The following MCUR1 variants were observed in gnomAD, a reference collection of about 807,000 sequenced individuals.
MCUR1 encodes the protein MCU regulator 1.
In MCUR1, 37 loss-of-function variants were observed where a neutral mutation model predicts 42.0. The observed-to-expected ratio is 0.88, with a 90% CI of 0.68 to 1.16. MCUR1 has a LOEUF of 1.16. Ranked by LOEUF, MCUR1 falls within the 50% of genes most tolerant of loss-of-function variation. The pLI is 0.00. For missense variants in MCUR1, 469 were observed against 468.4 expected, an observed-to-expected ratio of 1.00 and a Z score of -0.01; for synonymous variants, 229 against 196.2, an observed-to-expected ratio of 1.17 and a Z score of -1.40.
intron 1 of MCUR1, among the ~76,000 whole-genome samples, chr6:13,811,709 G>A (rs1760238758): frequency 6.6e-6 from 1 of 152,140 alleles, no homozygotes; most frequent in African/African-American, 2.4e-5. Context: ...AATGACTTGT[G>A]AAGAGTGACA....
chr6:13,808,762 C>T (rs1411615157), intron 1 of MCUR1, among the ~76,000 whole-genome samples: 2 of 152,166 alleles, frequency 1.3e-5, no homozygotes, highest in African/African-American at 2.4e-5. Flanking sequence ...CCATTCCCTC[C>T]ACTGAAATGT....
intron 5 of MCUR1, among the ~76,000 whole-genome samples, chr6:13,799,822 A>ATTTTC (rs1158882678): frequency 7.7e-6 from 1 of 129,150 alleles, no homozygotes; most frequent in African/African-American, 3.0e-5. Flanking sequence ...CTAGAACACA[A>ATTTTC]TTTTCTTTTT....
intron 1 of MCUR1, among the ~76,000 whole-genome samples, chr6:13,813,248 C>T (rs1016218530): frequency 6.6e-6 from 1 of 152,142 alleles, no homozygotes; most frequent in Non-Finnish European, 1.5e-5. Context: ...GGCGACTGTC[C>T]TGAAGAGATG....
chr6:13,791,967 G>T lies in MCUR1; in HGVS notation c.935C>A (p.Thr312Asn), dbSNP rs760017357. The T allele has an allele frequency of 6.2e-7, 1 of 1,613,960 alleles. No individual in the cohort carries two copies. The part of the protein sequence containing the change: ...ALHAQQDRAL[T>N]QTDRKIETEV... ...AGTTTCGATCTTCCTGTCTGTCTGG[G>T]TAAGGGCCCGATCTTGCTGGGCATG... The change falls in exon 8 of 9, where the codon ACC (threonine) becomes AAC (asparagine). Residue 312 changes from threonine (T) to asparagine (N), a missense_variant. By Grantham distance (65) the Thr-to-Asn change is moderately conservative. Transcript: ENST00000379170.
chr6:13,798,476 G>T lies in MCUR1; in HGVS notation c.855+357C>A, dbSNP rs1664935478. Reference sequence around the variant, plus strand: ...TAATAATTTACTATTATTCAAGCCTGAAATAATCAACTTAACTTTTACAAG... The same window carrying T: ...TAATAATTTACTATTATTCAAGCCTTAAATAATCAACTTAACTTTTACAAG... On this transcript the variant is annotated intron_variant, in intron 6 of 8. Transcript: ENST00000379170. Among the ~76,000 whole-genome samples the T allele has an allele frequency of 2.0e-5, 3 of 151,926 alleles. No homozygotes were observed. In the South Asian group the frequency reaches 6.2e-4, roughly 31 times the overall value.
chr6:13,811,584 G>T (rs1191161685), intron 1 of MCUR1, among the ~76,000 whole-genome samples: 1 of 152,042 alleles, frequency 6.6e-6, no homozygotes, highest in African/African-American at 2.4e-5. Context: ...AGAAACAGTG[G>T]GAGTGAAGGA....
In MCUR1 at chr6:13,790,791, C is replaced by T. The variant is rs1475631126; in HGVS notation, c.*18G>A. On this transcript the variant is annotated 3_prime_UTR_variant, in exon 9 of 9. Transcript: ENST00000379170. ...TCTTAAGGCAAAACAGTAGAAATCACTTTAAATAGACACTTTATTAGATCC... is the reference window on the plus strand; with the variant it reads ...TCTTAAGGCAAAACAGTAGAAATCATTTTAAATAGACACTTTATTAGATCC... 2 of 1,603,834 alleles carry T rather than the reference C, an allele frequency of 1.2e-6. No homozygotes were observed. The highest frequency in any genetic ancestry group is 2.2e-5 in the South Asian group (2 of 90,686).
chr6:13,801,630 A>G (rs183134796), intron 3 of MCUR1, among the ~76,000 whole-genome samples: 18 of 152,316 alleles, frequency 1.2e-4, no homozygotes, highest in African/African-American at 4.3e-4. Context: ...CAGGTGGATC[A>G]CTTGAGCCAA....
intron 1 of MCUR1, among the ~76,000 whole-genome samples, chr6:13,811,330 G>A (rs1321067346): frequency 6.6e-6 from 1 of 152,068 alleles, no homozygotes; most frequent in African/African-American, 2.4e-5. Context: ...GCATACAGCA[G>A]GCTAGGAATA....
chr6:13,792,093 G>C (rs917288598), intron 7 of MCUR1, 101 bp from the exon 8 acceptor site: 13 of 833,802 alleles, frequency 1.6e-5, no homozygotes, highest in Middle Eastern at 2.2e-4. Flanking sequence ...AGGGAAACCT[G>C]GGTAAGACTA....
At chr6:13,802,831 T>C (rs565343925) in intron 2 of MCUR1, among the ~76,000 whole-genome samples, 9 of 152,340 alleles carry the variant, frequency 5.9e-5, no homozygotes, top group African/African-American at 1.9e-4. Context: ...TTTCCTTAAA[T>C]AGGAAAGCTC....
intron 6 of MCUR1, among the ~76,000 whole-genome samples, chr6:13,796,488 G>T (rs1452647488): frequency 6.6e-6 from 1 of 152,020 alleles, no homozygotes; most frequent in Non-Finnish European, 1.5e-5. Context: ...GTTTCACCAC[G>T]TTGGCCAGGC....
Position 13,810,141 on chromosome 6 carries a change from T to G in MCUR1, c.416-3097A>C, listed in dbSNP as rs959299442. Among the ~76,000 whole-genome samples the G allele has an allele frequency of 2.6e-5, 4 of 151,892 alleles. 1 individual carries two copies. The South Asian group carries it at 6.2e-4, about 24-fold the overall frequency. ...TTGCTTGAACCTGGGAGGCGGAGGT[T>G]GCAGTGAGCCAAGATCGCACCACTG... On this transcript the variant is annotated intron_variant, in intron 1 of 8. Coordinates refer to ENST00000379170, the MANE Select transcript of MCUR1 (RefSeq NM_001031713.4).
chr6:13,800,321 A>C lies in MCUR1; in HGVS notation c.783+20T>G, dbSNP rs748760758. 3 of 1,541,984 alleles carry C rather than the reference A, an allele frequency of 1.9e-6. No homozygotes were observed. The East Asian group carries it at 6.8e-5, about 35-fold the overall frequency. ...TTATATAATTACAAACCAGCCAACA[A>C]ACAGGAAAGTGAATCTTACCATTAC... On this transcript the variant is annotated intron_variant, in intron 5 of 8. Transcript: ENST00000379170.
chr6:13,793,490 G>T (rs1189369575), intron 7 of MCUR1, among the ~76,000 whole-genome samples: 1 of 152,206 alleles, frequency 6.6e-6, no homozygotes, highest in Non-Finnish European at 1.5e-5. Context: ...AGGACACTGT[G>T]TTAAGTGAAA....
intron 4 of MCUR1, 37 bp downstream of exon 4, chr6:13,801,251 A>G (rs1466204239): frequency 1.5e-6 from 2 of 1,329,594 alleles, no homozygotes; most frequent in Admixed American, 3.6e-5. Context: ...ATGTCTTAAT[A>G]TAATCAACTT....
intron 3 of MCUR1, 81 bp from the exon 4 acceptor site, chr6:13,801,470 A>C: frequency 1.1e-6 from 1 of 941,160 alleles, no homozygotes; most frequent in Non-Finnish European, 1.7e-6. Flanking sequence ...CTATCTTCTT[A>C]TTGAGAAACC....
chr6:13,799,560 T>C (rs2113463922), intron 5 of MCUR1, among the ~76,000 whole-genome samples: 1 of 152,322 alleles, frequency 6.6e-6, no homozygotes, highest in East Asian at 1.9e-4. Context: ...TTAAACAACT[T>C]TGGAAAGCAA....
At chr6:13,800,206 T>C (rs1322063329) in intron 5 of MCUR1, 135 bp downstream of exon 5, 6 of 605,172 alleles carry the variant, frequency 9.9e-6, no homozygotes, top group African/African-American at 1.9e-5. Flanking sequence ...AATCTTCCAA[T>C]GTGTACTTTT....
Sources: allele counts gnomAD v4.1 joint callset (sites outside exome capture counted in the v4.1 genomes callset), GRCh38; gene constraint gnomAD v4.1.1; transcripts MANE v1.5; gene names NCBI Gene and HGNC (gene_info 2026-07-23, HGNC 2026-07-21).